Variants in MARCHF1 observed in about 807,000 individuals in gnomAD.
MARCHF1 encodes E3 ubiquitin-protein ligase MARCHF1.
A neutral mutation model predicts 54.2 loss-of-function variants in MARCHF1; 40 were observed. The ratio of observed to expected loss-of-function variants is 0.74; its 90% CI spans 0.57 to 0.96. MARCHF1 has a LOEUF of 0.96. Ranked by LOEUF, MARCHF1 falls within the 40% of genes least tolerant of loss-of-function variation. The probability of loss-of-function intolerance (pLI) is 0.00; values close to 1 mark genes in which losing one functional copy is unlikely to be tolerated. For missense variants in MARCHF1, 586 were observed against 656.5 expected (o/e 0.89, Z 1.17); for synonymous variants, 236 against 236.3 (o/e 1.00, Z 0.01).
intron 3 of MARCHF1, among the ~76,000 whole-genome samples, chr4:163,922,044 A>G (rs1384216610): frequency 1.3e-5 from 2 of 152,180 alleles, no homozygotes; most frequent in African/African-American, 4.8e-5. Flanking sequence ...GAGCCATAAA[A>G]AATGATGAGT....
rs558961836 is a variant in MARCHF1, at chr4:163,739,269, A to T, written c.112-38406T>A. Among the ~76,000 whole-genome samples, 16 of 152,328 alleles carry T rather than the reference A, an allele frequency of 1.1e-4. No homozygotes were observed. In the South Asian group the frequency reaches 3.3e-3, roughly 32 times the overall value. Reference sequence around the variant, plus strand: ...GGTATATTACAGAGACTCCTCATAGAGTTGCCACTGAATCAGACTATCCCA... The same window carrying T: ...GGTATATTACAGAGACTCCTCATAGTGTTGCCACTGAATCAGACTATCCCA... On this transcript the variant is annotated intron_variant, in intron 4 of 9. Coordinates refer to ENST00000514618, the MANE Select transcript of MARCHF1 (RefSeq NM_001394959.1).
chr4:164,101,033 C>T (rs1035023313), intron 2 of MARCHF1, among the ~76,000 whole-genome samples: 3 of 152,236 alleles, frequency 2.0e-5, no homozygotes, highest in Admixed American at 6.5e-5. Context: ...TCACTCCCAC[C>T]CGAATACTGC....
chr4:163,800,205 T>C (rs12645753), intron 4 of MARCHF1, among the ~76,000 whole-genome samples: 78,263 of 151,770 alleles, frequency 0.52, 20,558 homozygotes, highest in East Asian at 0.84. Flanking sequence ...GAATTATTTG[T>C]ACACCAAATT....
intron 3 of MARCHF1, among the ~76,000 whole-genome samples, chr4:163,873,068 A>C (rs1222224229): frequency 2.3e-5 from 3 of 131,476 alleles, no homozygotes; most frequent in African/African-American, 5.5e-5. Context: ...CAAACAAACA[A>C]AAAAAAACAA....
chr4:164,288,484 A>C (rs962097010), intron 1 of MARCHF1, among the ~76,000 whole-genome samples: 5 of 152,092 alleles, frequency 3.3e-5, no homozygotes, highest in Non-Finnish European at 7.4e-5. Context: ...ATAGGGAAAG[A>C]ATAGCTAAAT....
intron 1 of MARCHF1, among the ~76,000 whole-genome samples, chr4:164,347,498 G>T (rs1195964160): frequency 6.6e-6 from 1 of 152,140 alleles, no homozygotes; most frequent in Non-Finnish European, 1.5e-5. Context: ...TATTTCCTTT[G>T]ACTGTTCTTA....
At chr4:164,253,486 C>A (rs1733182486) in intron 1 of MARCHF1, among the ~76,000 whole-genome samples, 1 of 152,068 alleles carries the variant, frequency 6.6e-6, no homozygotes, top group South Asian at 2.1e-4. Flanking sequence ...AATAACAAGT[C>A]AGAACTAAAA....
At chr4:164,359,831 G>T (rs557512531) in intron 1 of MARCHF1, among the ~76,000 whole-genome samples, 1 of 152,202 alleles carries the variant, frequency 6.6e-6, no homozygotes, top group East Asian at 1.9e-4. Context: ...AAAATGACAG[G>T]CTGTGTTCTC....
At chr4:163,534,094 C>T (rs1037611454) in intron 9 of MARCHF1, among the ~76,000 whole-genome samples, 2 of 152,024 alleles carry the variant, frequency 1.3e-5, no homozygotes, top group Non-Finnish European at 2.9e-5. Context: ...TTAGCACATG[C>T]TATTCCTCTG....
chr4:164,033,496 G>A (rs1753924776), intron 2 of MARCHF1, among the ~76,000 whole-genome samples: 1 of 152,128 alleles, frequency 6.6e-6, no homozygotes, highest in African/African-American at 2.4e-5. Flanking sequence ...GCTACCTACA[G>A]AATGGGAGAA....
At position 163,816,005 on chromosome 4, in the gene MARCHF1, A is replaced by C. The variant is rs117480479; in HGVS notation, c.111+38016T>G. ...AAATGCACATGTATTTACCAAGAAC[A>C]AAGTGGTAAACATTGTTTCTATGGG... is the stretch of plus-strand genomic sequence containing the variant. On this transcript the variant is annotated intron_variant, in intron 4 of 9. Transcript: ENST00000514618. Among the ~76,000 whole-genome samples, 432 of 152,362 alleles carry C rather than the reference A, an allele frequency of 2.8e-3. 10 individuals are homozygous for C. The East Asian group carries it at 0.034, about 12-fold the overall frequency.
At chr4:164,318,603 T>G (rs1735060746) in intron 1 of MARCHF1, among the ~76,000 whole-genome samples, 1 of 152,184 alleles carries the variant, frequency 6.6e-6, no homozygotes, top group Non-Finnish European at 1.5e-5. Flanking sequence ...TTTCATACAA[T>G]GAAAAACAAG....
intron 4 of MARCHF1, among the ~76,000 whole-genome samples, chr4:163,812,838 G>A (rs1412678956): frequency 1.3e-5 from 2 of 150,788 alleles, no homozygotes; most frequent in African/African-American, 2.5e-5. Flanking sequence ...CAAAATTTTT[G>A]TTTGTTATTT....
chr4:163,977,594 C>CA lies in MARCHF1; in HGVS notation c.-39+10906dup, dbSNP rs566858107. On this transcript the variant is annotated intron_variant, in intron 3 of 9. Coordinates refer to ENST00000514618, the MANE Select transcript of MARCHF1 (RefSeq NM_001394959.1). ...TTGATATTTCCAAAGATTATCAAAA[C>CA]AAAAAAAAACTTCACAGAACAATTC... Among the ~76,000 whole-genome samples the CA allele has an allele frequency of 6.6e-3, 992 of 150,916 alleles. 4 individuals carry two copies. The highest frequency in any genetic ancestry group is 0.022 in the South Asian group (107 of 4,776).
At chr4:163,708,474 A>G (rs1402818912) in intron 4 of MARCHF1, among the ~76,000 whole-genome samples, 1 of 152,172 alleles carries the variant, frequency 6.6e-6, no homozygotes, top group Non-Finnish European at 1.5e-5. Flanking sequence ...TTCATCAATA[A>G]AGAATTGTTA....
intron 2 of MARCHF1, among the ~76,000 whole-genome samples, chr4:164,098,903 G>GT (rs1755473439): frequency 6.6e-6 from 1 of 152,220 alleles, no homozygotes; most frequent in Non-Finnish European, 1.5e-5. Context: ...AAAGGGCCAT[G>GT]TAAGTGGTCC....
chr4:163,533,561 A>T (rs1441261014), intron 9 of MARCHF1, among the ~76,000 whole-genome samples: 1 of 151,814 alleles, frequency 6.6e-6, no homozygotes, highest in Non-Finnish European at 1.5e-5. Context: ...TTGAGGCAAG[A>T]TGTTAATAAC....
At chr4:163,858,887 G>A (rs1466674224) in intron 3 of MARCHF1, among the ~76,000 whole-genome samples, 1 of 152,152 alleles carries the variant, frequency 6.6e-6, no homozygotes, top group Non-Finnish European at 1.5e-5. Flanking sequence ...GTTGAATTCT[G>A]CAAGAACAGA....
chr4:164,279,160 A>C (rs1733960238), intron 1 of MARCHF1, among the ~76,000 whole-genome samples: 1 of 151,764 alleles, frequency 6.6e-6, no homozygotes, highest in African/African-American at 2.4e-5. Context: ...AAATGCCCTA[A>C]ATTTCTAATC....
Sources: allele counts gnomAD v4.1 joint callset (sites outside exome capture counted in the v4.1 genomes callset), GRCh38; gene constraint gnomAD v4.1.1; transcripts MANE v1.5; gene names NCBI Gene and HGNC (gene_info 2026-07-23, HGNC 2026-07-21).